The following FBXO9 variants were observed in gnomAD, a reference collection of about 807,000 sequenced individuals.
The protein encoded by FBXO9 is F-box only protein 9.
Under a neutral mutation model 63.7 loss-of-function variants are expected in FBXO9, and 43 were observed. That is an observed-to-expected ratio of 0.67 (90% CI 0.53 to 0.87). The LOEUF (loss-of-function observed/expected upper bound fraction) is 0.87. FBXO9 is among the 40% of genes least tolerant of loss of function. The probability of loss-of-function intolerance (pLI) is 0.00; values close to 1 mark genes in which losing one functional copy is unlikely to be tolerated. For missense variants in FBXO9, 442 were observed against 533.2 expected, an observed-to-expected ratio of 0.83 and a Z score of 1.68; for synonymous variants, 156 against 171.7, an observed-to-expected ratio of 0.91 and a Z score of 0.72.
In FBXO9 at chr6:53,073,468, GT is replaced by G. The variant is rs759387823; in HGVS notation, c.91-11del. The stretch of plus-strand genomic sequence containing the variant: ...CTTCCTTGATGAGTCCTAAAATGCT[GT>G]TCTCCCCATAGGCACAACTCCAGAT... On this transcript the variant is annotated splice_polypyrimidine_tract_variant and intron_variant, in intron 2 of 12. Transcript: ENST00000323557. 14 of 1,611,858 alleles carry G rather than the reference GT, an allele frequency of 8.7e-6. No homozygotes were observed. Among genetic ancestry groups the G allele is most frequent in the Non-Finnish European group, 1.1e-5 (13 of 1,178,868 alleles).
chr6:53,097,926 GTATATATATATATATATATATA>G lies in FBXO9; in HGVS notation c.*124_*145del, dbSNP rs57607929. ...TAAATGTGTGTGTGTGCGTGTGTGT[GTATATATATATATATATATATA>G]TATATATATATATATATATATATAT... On this transcript the variant is annotated 3_prime_UTR_variant, in exon 13 of 13. Coordinates refer to ENST00000323557, the MANE Select transcript of FBXO9 (RefSeq NM_033480.3). The G allele has an allele frequency of 1.2e-3, 107 of 88,484 alleles. 13 individuals carry two copies. Among genetic ancestry groups the G allele is most frequent in the Middle Eastern group, 5.5e-3 (1 of 182 alleles). 5.5% of individuals were successfully genotyped at this position (88,484 alleles called of 1,614,324 possible). A position where few individuals can be genotyped will look rare whatever the true frequency, so the allele number is the denominator to read the frequency against.
intron 7 of FBXO9, among the ~76,000 whole-genome samples, chr6:53,090,433 A>C (rs2127497713): frequency 6.6e-6 from 1 of 152,322 alleles, no homozygotes; most frequent in East Asian, 1.9e-4. Context: ...GTTTACATCT[A>C]ATTGATCACA....
At chr6:53,081,837 G>C (rs1474265048) in intron 6 of FBXO9, among the ~76,000 whole-genome samples, 1 of 152,188 alleles carries the variant, frequency 6.6e-6, no homozygotes, top group Non-Finnish European at 1.5e-5. Flanking sequence ...GGGAGGCTGA[G>C]TTGGGAGGAT....
At chr6:53,081,340 C>T (rs748290255) in intron 6 of FBXO9, among the ~76,000 whole-genome samples, 8 of 152,168 alleles carry the variant, frequency 5.3e-5, no homozygotes, top group Admixed American at 3.9e-4. Flanking sequence ...GGTGCAATCT[C>T]GGCTCACTGC....
chr6:53,066,687 C>T (rs1158149256), intron 1 of FBXO9, among the ~76,000 whole-genome samples: 4 of 152,120 alleles, frequency 2.6e-5, no homozygotes, highest in Admixed American at 6.5e-5. Context: ...GTTCTCTGAC[C>T]GGGATTAAGT....
chr6:53,092,603 A>G (rs986810363), intron 8 of FBXO9, 56 bp downstream of exon 8: 47 of 1,508,090 alleles, frequency 3.1e-5, no homozygotes, highest in Middle Eastern at 3.4e-4. Context: ...GCTGATTTTT[A>G]TAAATACGCC....
intron 1 of FBXO9, chr6:53,070,835 G>A: frequency 5.3e-6 from 3 of 562,194 alleles, no homozygotes; most frequent in Admixed American, 3.3e-5. Flanking sequence ...AATAACGTGA[G>A]TACTGTGGGT....
At chr6:53,068,637 A>AATATATAT (rs10667878) in intron 1 of FBXO9, among the ~76,000 whole-genome samples, 34 of 142,466 alleles carry the variant, frequency 2.4e-4, no homozygotes, top group African/African-American at 7.5e-4. Context: ...CATCTTACGG[A>AATATATAT]ATATATATAT....
intron 6 of FBXO9, among the ~76,000 whole-genome samples, chr6:53,081,582 G>A (rs927576417): frequency 2.0e-5 from 3 of 152,194 alleles, no homozygotes. Flanking sequence ...CCAGTAGTAA[G>A]CTGCTTTACA....
Position 53,100,592 on chromosome 6 carries a change from G to C in FBXO9, c.*2762G>C, listed in dbSNP as rs1380958140. On this transcript the variant is annotated 3_prime_UTR_variant, in exon 13 of 13. Coordinates refer to ENST00000323557, the MANE Select transcript of FBXO9 (RefSeq NM_033480.3). The stretch of plus-strand genomic sequence containing the variant: ...ACTTCAGTTACACCCCCAGCCCCCA[G>C]GGGAAAGCATTAGCCTTGAATCCTC... 6.6e-6 allele frequency: 1 copy of C among 151,852 alleles called. No homozygotes were observed. Among genetic ancestry groups the C allele is most frequent in the East Asian group, 2.0e-4 (1 of 5,126 alleles). The allele number at this position is 151,852 out of a possible 1,614,324, so 9.4% of individuals were successfully genotyped here. A position where few individuals can be genotyped will look rare whatever the true frequency, so the allele number is the denominator to read the frequency against.
chr6:53,090,334 G>A (rs1424675836), intron 7 of FBXO9, among the ~76,000 whole-genome samples: 1 of 151,958 alleles, frequency 6.6e-6, no homozygotes, highest in African/African-American at 2.4e-5. Context: ...TTTTGATTTT[G>A]ACAACTTTCA....
In FBXO9 at chr6:53,074,281, A is replaced by G. The variant is rs370234422; in HGVS notation, c.249+642A>G. ...TACCATCAGATCCAAGTTTGTGTTT[A>G]TAATTAGTCATCAAATAATTGGCAT... On this transcript the variant is annotated intron_variant, in intron 3 of 12. Transcript: ENST00000323557. 3.9e-5 allele frequency among the ~76,000 whole-genome samples: 6 copies of G among 152,328 alleles called. No homozygotes were observed. In the East Asian group the frequency reaches 1.2e-3, roughly 29 times the overall value.
At chr6:53,066,013 A>T in intron 1 of FBXO9, 1 of 1,214,032 alleles carries the variant, frequency 8.2e-7, no homozygotes, top group Non-Finnish European at 1.0e-6. Context: ...GAGCCTCCCC[A>T]ACCCCCGCCG....
At chr6:53,075,980 G>A (rs1256174376) in intron 3 of FBXO9, among the ~76,000 whole-genome samples, 1 of 151,912 alleles carries the variant, frequency 6.6e-6, no homozygotes, top group Non-Finnish European at 1.5e-5. Context: ...CTGGCCTCAG[G>A]TGATCTGCCG....
At chr6:53,075,734 ATTAT>A (rs1562065235) in intron 3 of FBXO9, among the ~76,000 whole-genome samples, 3 of 82,180 alleles carry the variant, frequency 3.7e-5, no homozygotes, top group Non-Finnish European at 6.3e-5. Context: ...TATATATATA[ATTAT>A]TTTTTTTTTT....
chr6:53,090,086 G>A (rs1227809399), intron 7 of FBXO9, among the ~76,000 whole-genome samples: 2 of 152,152 alleles, frequency 1.3e-5, no homozygotes, highest in Non-Finnish European at 2.9e-5. Context: ...TAATTGTTTT[G>A]GAAATAATTA....
At chr6:53,072,955 T>G (rs139060386) in intron 2 of FBXO9, among the ~76,000 whole-genome samples, 174 of 152,316 alleles carry the variant, frequency 1.1e-3, no homozygotes, top group African/African-American at 3.8e-3. Context: ...ACTCCTGACC[T>G]CAGGTGATCC....
Position 53,097,809 on chromosome 6 carries a change from T to G in FBXO9, c.1293T>G (p.Ala431=), listed in dbSNP as rs760029443. ...LFFARVRSYT[A]FSERPL ...TCGCCAGAGTAAGGAGCTACACAGC[T>G]TTCTCAGAAAGGCCTCTGTAGAGCC... is the stretch of plus-strand genomic sequence containing the variant. Residue 431 remains alanine (A), a synonymous_variant, in exon 13 of 13, where the codon GCT becomes GCG. Coordinates refer to ENST00000323557, the MANE Select transcript of FBXO9 (RefSeq NM_033480.3). 6.2e-7 allele frequency: 1 copy of G among 1,605,966 alleles called. No individual in the cohort carries two copies. Among genetic ancestry groups the G allele is most frequent in the South Asian group, 1.1e-5 (1 of 90,410 alleles).
intron 2 of FBXO9, among the ~76,000 whole-genome samples, chr6:53,071,384 C>T (rs1191329443): frequency 6.6e-6 from 1 of 152,190 alleles, no homozygotes; most frequent in Non-Finnish European, 1.5e-5. Flanking sequence ...TTACGCATGA[C>T]TCAAAACCCA....
Sources: gnomAD v4.1 joint callset for allele counts (sites outside exome capture counted in the v4.1 genomes callset) on GRCh38, gnomAD v4.1.1 for gene constraint, MANE v1.5 for transcripts, NCBI Gene and HGNC (gene_info 2026-07-23, HGNC 2026-07-21) for gene names.